RALGPS1: variants seen among roughly 807,000 people sequenced by gnomAD.
The protein encoded by RALGPS1 is ras-specific guanine nucleotide-releasing factor RalGPS1.
A neutral mutation model predicts 78.8 loss-of-function variants in RALGPS1; 19 were observed. The observed-to-expected ratio is 0.24, with a 90% CI of 0.17 to 0.35. RALGPS1 has a LOEUF of 0.35. Ranked by LOEUF, RALGPS1 falls within the 10% of genes least tolerant of loss-of-function variation. The probability of loss-of-function intolerance (pLI) is 1.00; values close to 1 mark genes in which losing one functional copy is unlikely to be tolerated. For synonymous variants in RALGPS1, 228 were observed against 256.3 expected, an observed-to-expected ratio of 0.89 and a Z score of 1.06; for missense variants, 454 against 688.3, an observed-to-expected ratio of 0.66 and a Z score of 3.81.
chr9:127,150,187 C>T (rs1303301286), intron 8 of RALGPS1, among the ~76,000 whole-genome samples: 1 of 152,218 alleles, frequency 6.6e-6, no homozygotes. Context: ...ACCACGGTCA[C>T]CATTCCCAGC....
chr9:126,932,964 G>A (rs1238412558), intron 1 of RALGPS1, among the ~76,000 whole-genome samples: 1 of 152,130 alleles, frequency 6.6e-6, no homozygotes, highest in Non-Finnish European at 1.5e-5. Context: ...ATGCTATTCA[G>A]TTGGCGGCCT....
chr9:127,052,642 C>CA (rs1478386950), intron 6 of RALGPS1, among the ~76,000 whole-genome samples: 2 of 152,342 alleles, frequency 1.3e-5, no homozygotes, highest in Non-Finnish European at 2.9e-5. Flanking sequence ...TAGTCAGACT[C>CA]ACGTTTTAGA....
At position 127,159,339 on chromosome 9, in the gene RALGPS1, G is replaced by A. The variant is rs80262834; in HGVS notation, c.611-6730G>A. Among the ~76,000 whole-genome samples, 156 of 152,302 alleles carry A rather than the reference G, an allele frequency of 1.0e-3. 3 individuals carry two copies. The East Asian group carries it at 0.027, about 26-fold the overall frequency. ...TCCTCATTTCACCTTGGGGAGCCAG[G>A]AGGTGATTTGGCTTCCCTGGACTTC... On this transcript the variant is annotated intron_variant, in intron 8 of 18. Coordinates refer to ENST00000259351, the MANE Select transcript of RALGPS1 (RefSeq NM_014636.3).
intron 8 of RALGPS1, among the ~76,000 whole-genome samples, chr9:127,131,426 T>C (rs1016696121): frequency 6.6e-6 from 1 of 152,200 alleles, no homozygotes; most frequent in Non-Finnish European, 1.5e-5. Context: ...CCGCCATCTG[T>C]TACACACTCA....
At chr9:126,963,306 G>A (rs1201348002) in intron 2 of RALGPS1, among the ~76,000 whole-genome samples, 1 of 152,066 alleles carries the variant, frequency 6.6e-6, no homozygotes, top group African/African-American at 2.4e-5. Flanking sequence ...TCCATTTAGA[G>A]TGAAGCTTCT....
At chr9:127,196,045 G>A (rs1476446897) in intron 12 of RALGPS1, among the ~76,000 whole-genome samples, 5 of 152,210 alleles carry the variant, frequency 3.3e-5, no homozygotes, top group Admixed American at 6.5e-5. Context: ...CATATTTTGA[G>A]AACGAGTCTA....
chr9:127,199,493 G>C (rs1159228137), intron 14 of RALGPS1, among the ~76,000 whole-genome samples: 1 of 152,198 alleles, frequency 6.6e-6, no homozygotes, highest in Admixed American at 6.5e-5. Context: ...CACCCTGCTA[G>C]GCACTGGTGA....
At chr9:127,051,045 C>T (rs1471964487) in intron 6 of RALGPS1, among the ~76,000 whole-genome samples, 1 of 152,200 alleles carries the variant, frequency 6.6e-6, no homozygotes, top group Non-Finnish European at 1.5e-5. Context: ...GGGCAGGAAT[C>T]GGAGTCGTGC....
chr9:127,207,783 C>G (rs902924411), intron 14 of RALGPS1, among the ~76,000 whole-genome samples: 10 of 152,190 alleles, frequency 6.6e-5, no homozygotes, highest in African/African-American at 2.4e-4. Context: ...CACCCTAACT[C>G]TGTGTTCCTA....
intron 8 of RALGPS1, among the ~76,000 whole-genome samples, chr9:127,149,950 C>T (rs1046560272): frequency 2.6e-5 from 4 of 152,216 alleles, no homozygotes; most frequent in Admixed American, 2.0e-4. Context: ...CAGCTTCACA[C>T]GATCACATGC....
At chr9:126,958,688 T>C (rs1471698156) in intron 1 of RALGPS1, among the ~76,000 whole-genome samples, 2 of 152,224 alleles carry the variant, frequency 1.3e-5, no homozygotes, top group Admixed American at 1.3e-4. Flanking sequence ...TTGGAGGGTT[T>C]GTAGCTTTTG....
chr9:127,094,629 A>G (rs1229617500), intron 8 of RALGPS1, among the ~76,000 whole-genome samples: 1 of 152,214 alleles, frequency 6.6e-6, no homozygotes, highest in East Asian at 1.9e-4. Context: ...GTGTGTTTTT[A>G]GGGGGCCAGG....
At chr9:126,989,100 C>A (rs1588869454) in intron 4 of RALGPS1, among the ~76,000 whole-genome samples, 1 of 152,126 alleles carries the variant, frequency 6.6e-6, no homozygotes, top group African/African-American at 2.4e-5. Context: ...TCATCATCAT[C>A]ATCATCATCG....
intron 2 of RALGPS1, among the ~76,000 whole-genome samples, chr9:126,964,592 G>C (rs143015581): frequency 9.9e-4 from 125 of 125,692 alleles, no homozygotes; most frequent in African/African-American, 3.1e-3. Flanking sequence ...CTGGTGTGGA[G>C]CTGGCATTTT....
chr9:127,050,337 G>A (rs774543442), intron 6 of RALGPS1, among the ~76,000 whole-genome samples: 3 of 152,162 alleles, frequency 2.0e-5, no homozygotes, highest in Non-Finnish European at 4.4e-5. Context: ...AGCACCTTGT[G>A]CGCAAATTGG....
intron 8 of RALGPS1, chr9:127,088,721 T>A: frequency 1.7e-6 from 1 of 597,462 alleles, no homozygotes; most frequent in Non-Finnish European, 3.0e-6. Context: ...CCTGGAGACA[T>A]GAGGGGCTGT....
chr9:127,172,848 G>T (rs536017302), intron 10 of RALGPS1, among the ~76,000 whole-genome samples: 2 of 152,178 alleles, frequency 1.3e-5, no homozygotes, highest in African/African-American at 4.8e-5. Flanking sequence ...CTGCCTTCTC[G>T]GTTGGGCCAT....
chr9:127,092,648 C>T (rs1274474161), intron 8 of RALGPS1, among the ~76,000 whole-genome samples: 1 of 152,154 alleles, frequency 6.6e-6, no homozygotes, highest in African/African-American at 2.4e-5. Context: ...TCATTATCCT[C>T]CCTAGTATGG....
intron 14 of RALGPS1, among the ~76,000 whole-genome samples, chr9:127,206,467 A>T (rs929447566): frequency 7.9e-5 from 12 of 152,120 alleles, no homozygotes; most frequent in Non-Finnish European, 1.5e-5. Context: ...CAAAAGGGGG[A>T]AGAGCCCCTT....
Sources: allele counts gnomAD v4.1 joint callset (sites outside exome capture counted in the v4.1 genomes callset), GRCh38; gene constraint gnomAD v4.1.1; transcripts MANE v1.5; gene names NCBI Gene and HGNC (gene_info 2026-07-23, HGNC 2026-07-21).